PPP1R21: variants seen among roughly 807,000 people sequenced by gnomAD.
PPP1R21 encodes the protein protein phosphatase 1 regulatory subunit 21.
In PPP1R21, 85 loss-of-function variants were observed where a neutral mutation model predicts 112.8. The ratio of observed to expected loss-of-function variants is 0.75; its 90% CI spans 0.63 to 0.90. The LOEUF (loss-of-function observed/expected upper bound fraction) is 0.90. Ranked by LOEUF, PPP1R21 falls within the 40% of genes least tolerant of loss-of-function variation. The probability of loss-of-function intolerance (pLI) is 0.00; values close to 1 mark genes in which losing one functional copy is unlikely to be tolerated. For synonymous variants in PPP1R21, 381 were observed against 322.3 expected (o/e 1.18, Z -1.95); for missense variants, 1,199 against 901.5 (o/e 1.33, Z -4.23).
rs981138210 is a variant in PPP1R21, at chr2:48,507,126, T to C, written c.1969-143T>C. ...ACACTTCCCTGCTATGTCTGAAGTT[T>C]CTTCGAGGGGGTAGGAAAACAGTGA... On this transcript the variant is annotated intron_variant, in intron 18 of 21. Coordinates refer to ENST00000294952, the MANE Select transcript of PPP1R21 (RefSeq NM_001135629.3). The C allele has an allele frequency of 2.5e-6, 3 of 1,222,908 alleles. No homozygotes were observed. In the African/African-American group the frequency reaches 4.8e-5, roughly 20 times the overall value. 75.8% of individuals were successfully genotyped at this position (1,222,908 alleles called of 1,614,324 possible).
Position 48,492,927 on chromosome 2 carries a change from A to T in PPP1R21, c.1599+1757A>T, listed in dbSNP as rs144864969. On this transcript the variant is annotated intron_variant, in intron 15 of 21. Transcript: ENST00000294952. ...TGCTGTTGTTTTGGTTCATATGTAT[A>T]TATTTGCTTGTTAATGAGGTGGAAC... Among the ~76,000 whole-genome samples, 376 of 149,452 alleles carry T rather than the reference A, an allele frequency of 2.5e-3. 4 individuals are homozygous for T. Among genetic ancestry groups the T allele is most frequent in the African/African-American group, 8.7e-3 (352 of 40,566 alleles).
chr2:48,508,762 G>A (rs1371950620), intron 19 of PPP1R21, among the ~76,000 whole-genome samples: 2 of 152,220 alleles, frequency 1.3e-5, no homozygotes, highest in Non-Finnish European at 2.9e-5. Flanking sequence ...GGAGGCGGTT[G>A]ACTTGGTTGG....
At chr2:48,514,070 G>A (rs1271540152) in intron 21 of PPP1R21, among the ~76,000 whole-genome samples, 1 of 121,458 alleles carries the variant, frequency 8.2e-6, no homozygotes, top group Non-Finnish European at 1.7e-5. Flanking sequence ...GACGAGACAT[G>A]TTCTTTTTTT....
At chr2:48,497,030 C>G (rs901196615) in intron 16 of PPP1R21, among the ~76,000 whole-genome samples, 1 of 152,208 alleles carries the variant, frequency 6.6e-6, no homozygotes, top group African/African-American at 2.4e-5. Context: ...GGCACTCCAA[C>G]AAATTAATCA....
At chr2:48,485,330 C>T (rs1669236713) in intron 13 of PPP1R21, among the ~76,000 whole-genome samples, 1 of 152,006 alleles carries the variant, frequency 6.6e-6, no homozygotes, top group South Asian at 2.1e-4. Flanking sequence ...AAAAAGCATT[C>T]AGCATCCTAA....
rs542503752 is a variant in PPP1R21 at position 48,490,104 on chromosome 2, A to G, written c.1447-914A>G. 1.3e-5 allele frequency among the ~76,000 whole-genome samples: 2 copies of G among 151,764 alleles called. 1 individual carries two copies. The highest frequency in any genetic ancestry group is 4.8e-5 in the African/African-American group (2 of 41,420). On this transcript the variant is annotated intron_variant, in intron 14 of 21. Transcript: ENST00000294952. ...TGTGGTGACGGGCACCTGTAATCCC[A>G]GCTACTCAGGCGGCTGAGGCAGGAG...
chr2:48,471,750 C>G (rs1205780346), intron 11 of PPP1R21, among the ~76,000 whole-genome samples: 1 of 152,114 alleles, frequency 6.6e-6, no homozygotes, highest in Non-Finnish European at 1.5e-5. Context: ...AAAACCTTAT[C>G]TACTCTAGCC....
intron 17 of PPP1R21, among the ~76,000 whole-genome samples, chr2:48,501,064 A>G (rs1670090216): frequency 6.6e-6 from 1 of 152,230 alleles, no homozygotes; most frequent in Non-Finnish European, 1.5e-5. Context: ...TCCAGTCACA[A>G]GTCCTGCATG....
In PPP1R21 at chr2:48,507,749, C is replaced by CTTTTTTTTTT; in HGVS notation, c.2085+389_2085+398dup. Among the ~76,000 whole-genome samples, 109 of 42,392 alleles carry CTTTTTTTTTT rather than the reference C, an allele frequency of 2.6e-3. 23 individuals carry two copies. Among genetic ancestry groups the CTTTTTTTTTT allele is most frequent in the South Asian group, 4.3e-3 (3 of 696 alleles). 27.8% of individuals were successfully genotyped at this position (42,392 alleles called of 152,430 possible). A position where few individuals can be genotyped will look rare whatever the true frequency, so the allele number is the denominator to read the frequency against. On this transcript the variant is annotated intron_variant, in intron 19 of 21. Transcript: ENST00000294952. The stretch of plus-strand genomic sequence containing the variant: ...AAGACTGATTTGAGTGAGGCTCTGC[C>CTTTTTTTTTT]TTTTTTTTTTTTTTTTTTTTTTTTT...
chr2:48,502,566 A>G (rs1670167998), intron 17 of PPP1R21, among the ~76,000 whole-genome samples: 1 of 151,324 alleles, frequency 6.6e-6, no homozygotes, highest in South Asian at 2.1e-4. Context: ...GGGAGCAAGT[A>G]TGTGCCCATT....
chr2:48,505,214 C>T (rs1047697168), intron 17 of PPP1R21, among the ~76,000 whole-genome samples: 6 of 151,990 alleles, frequency 3.9e-5, no homozygotes, highest in African/African-American at 1.5e-4. Context: ...ACGTCTTTAC[C>T]CCTTCTTGGC....
At chr2:48,498,872 C>T in intron 17 of PPP1R21, 137 bp downstream of exon 17, 1 of 909,206 alleles carries the variant, frequency 1.1e-6, no homozygotes, top group Non-Finnish European at 1.7e-6. Flanking sequence ...TCTTGTAAAT[C>T]ACAGAAATTT....
intron 12 of PPP1R21, among the ~76,000 whole-genome samples, chr2:48,477,502 T>C (rs1226478473): frequency 6.6e-6 from 1 of 152,196 alleles, no homozygotes; most frequent in East Asian, 1.9e-4. Context: ...CTTTCCTTAT[T>C]GAATGGTCTG....
chr2:48,451,135 C>T (rs986847729), intron 2 of PPP1R21, 59 bp downstream of exon 2: 1 of 1,405,498 alleles, frequency 7.1e-7, no homozygotes, highest in East Asian at 2.3e-5. Flanking sequence ...TTGCTCAAAG[C>T]AGGTTCATTG....
chr2:48,458,952 C>T (rs143530304), intron 4 of PPP1R21, among the ~76,000 whole-genome samples: 9,274 of 151,806 alleles, frequency 0.061, 428 homozygotes, highest in Admixed American at 0.16. Flanking sequence ...ATTAGCCAGG[C>T]GTGGTGGTAG....
At chr2:48,488,742 T>C (rs1323174730) in intron 14 of PPP1R21, among the ~76,000 whole-genome samples, 1 of 152,208 alleles carries the variant, frequency 6.6e-6, no homozygotes, top group Non-Finnish European at 1.5e-5. Flanking sequence ...ACCAAAATAT[T>C]TGAACTAATG....
At chr2:48,465,058 G>C in intron 8 of PPP1R21, 69 bp downstream of exon 8, 1 of 1,261,756 alleles carries the variant, frequency 7.9e-7, no homozygotes, top group Non-Finnish European at 1.1e-6. Context: ...ACAAGAATTA[G>C]TTGTGTTTGG....
At chr2:48,451,555 C>T (rs1667468590) in intron 2 of PPP1R21, among the ~76,000 whole-genome samples, 2 of 152,174 alleles carry the variant, frequency 1.3e-5, no homozygotes, top group Non-Finnish European at 2.9e-5. Context: ...AATCAGGACA[C>T]TCTTTGAGTG....
At position 48,440,832 on chromosome 2, in the gene PPP1R21, C is replaced by T. The variant is rs901008051; in HGVS notation, c.-122C>T. The stretch of plus-strand genomic sequence containing the variant: ...GGAGGCGCGGCGGCGGCGGCGGCGG[C>T]GGCTGCGGTGGCCAAGCAGGCAGAT... On this transcript the variant is annotated 5_prime_UTR_variant, in exon 1 of 22. Coordinates refer to ENST00000294952, the MANE Select transcript of PPP1R21 (RefSeq NM_001135629.3). 5.7e-6 allele frequency: 4 copies of T among 697,366 alleles called. No individual in the cohort carries two copies. The highest frequency in any genetic ancestry group is 1.7e-5 in the South Asian group (1 of 58,878). 43.2% of individuals were successfully genotyped at this position (697,366 alleles called of 1,614,324 possible).
Sources: allele counts gnomAD v4.1 joint callset (sites outside exome capture counted in the v4.1 genomes callset), GRCh38; gene constraint gnomAD v4.1.1; transcripts MANE v1.5; gene names NCBI Gene and HGNC (gene_info 2026-07-23, HGNC 2026-07-21).